Variants in EEIG2 observed in about 807,000 individuals in gnomAD.
The protein encoded by EEIG2 is family with sequence similarity 102 member B.
the EEIG2 span, among the ~76,000 whole-genome samples, chr1:108,603,658 A>T: frequency 6.6e-6 from 1 of 152,228 alleles, no homozygotes; most frequent in African/African-American, 2.4e-5. Flanking sequence ...AAGGAAAAAT[A>T]TGATAAGAAG....
At chr1:108,580,582 A>G in the EEIG2 span, among the ~76,000 whole-genome samples, 1 of 152,228 alleles carries the variant, frequency 6.6e-6, no homozygotes, top group Non-Finnish European at 1.5e-5. Context: ...TCCAATGAAC[A>G]CATGAATGAT....
chr1:108,616,475 A>C, the EEIG2 span: 3 of 1,234,720 alleles, frequency 2.4e-6, no homozygotes, highest in Non-Finnish European at 3.5e-6. Context: ...AAGTATAAGA[A>C]AGATTTATTT....
chr1:108,570,440 G>A, the EEIG2 span, among the ~76,000 whole-genome samples: 2 of 152,082 alleles, frequency 1.3e-5, no homozygotes, highest in Non-Finnish European at 2.9e-5. Context: ...GTTTAGGGTT[G>A]GAATTGAAGA....
chr1:108,587,166 T>C, the EEIG2 span, among the ~76,000 whole-genome samples: 1 of 152,172 alleles, frequency 6.6e-6, no homozygotes, highest in Non-Finnish European at 1.5e-5. Flanking sequence ...TTCTGGGTTT[T>C]GTGAAGTTAT....
the EEIG2 span, among the ~76,000 whole-genome samples, chr1:108,584,694 T>G: frequency 1.3e-5 from 2 of 152,184 alleles, no homozygotes; most frequent in Non-Finnish European, 2.9e-5. Flanking sequence ...TTATCTGCTA[T>G]TTTTACCTTT....
At chr1:108,584,924 T>G in the EEIG2 span, among the ~76,000 whole-genome samples, 5 of 152,136 alleles carry the variant, frequency 3.3e-5, no homozygotes, top group Admixed American at 1.3e-4. Context: ...GAAAAGATTA[T>G]TCATAGTCCT....
At chr1:108,602,256 A>T in the EEIG2 span, among the ~76,000 whole-genome samples, 2 of 152,176 alleles carry the variant, frequency 1.3e-5, no homozygotes, top group Admixed American at 6.5e-5. Flanking sequence ...GCTATAAATA[A>T]ATAGCACACT....
the EEIG2 span, among the ~76,000 whole-genome samples, chr1:108,624,121 C>T: frequency 3.3e-5 from 5 of 152,130 alleles, no homozygotes; most frequent in Non-Finnish European, 7.4e-5. Flanking sequence ...CAAATCTAAA[C>T]AACTGGGCCT....
the EEIG2 span, among the ~76,000 whole-genome samples, chr1:108,576,741 A>C: frequency 2.0e-5 from 3 of 149,884 alleles, no homozygotes; most frequent in African/African-American, 7.4e-5. Flanking sequence ...ATTGTGAATA[A>C]TGCCGCAATA....
At chr1:108,591,196 T>C in the EEIG2 span, among the ~76,000 whole-genome samples, 1 of 152,256 alleles carries the variant, frequency 6.6e-6, no homozygotes, top group Non-Finnish European at 1.5e-5. Flanking sequence ...TCTGAGTTTG[T>C]TTCCATGGTA....
chr1:108,570,396 A>G, the EEIG2 span, among the ~76,000 whole-genome samples: 1 of 152,198 alleles, frequency 6.6e-6, no homozygotes, highest in African/African-American at 2.4e-5. Context: ...TAGGGAGCCA[A>G]AAGCAGGGAG....
At chr1:108,606,370 A>G in the EEIG2 span, 4 of 563,824 alleles carry the variant, frequency 7.1e-6, no homozygotes, top group Non-Finnish European at 5.8e-6. Flanking sequence ...CTCTTTTTGT[A>G]TGCAACTTGG....
At chr1:108,562,684 G>C in the EEIG2 span, among the ~76,000 whole-genome samples, 1 of 152,244 alleles carries the variant, frequency 6.6e-6, no homozygotes, top group South Asian at 2.1e-4. Context: ...TTAGTGAGAT[G>C]ATGTGCCCAA....
the EEIG2 span, among the ~76,000 whole-genome samples, chr1:108,581,904 G>C: frequency 1.1e-4 from 16 of 152,230 alleles, no homozygotes; most frequent in East Asian, 2.7e-3. Flanking sequence ...GTAAAATGCT[G>C]TCAAACATCA....
chr1:108,619,061 A>C, the EEIG2 span, among the ~76,000 whole-genome samples: 1 of 152,214 alleles, frequency 6.6e-6, no homozygotes, highest in Admixed American at 6.5e-5. Flanking sequence ...ACTTAGTAGA[A>C]GAAAATAAAT....
the EEIG2 span, chr1:108,600,666 T>TAG: frequency 6.2e-7 from 1 of 1,610,830 alleles, no homozygotes; most frequent in Non-Finnish European, 8.5e-7. Context: ...TCCTTGTATC[T>TAG]ACAGAGTATC....
At chr1:108,578,677 G>A in the EEIG2 span, among the ~76,000 whole-genome samples, 4 of 151,700 alleles carry the variant, frequency 2.6e-5, no homozygotes, top group African/African-American at 9.7e-5. Context: ...AAATGTTAAG[G>A]GCAGCCAGAG....
At chr1:108,568,926 A>G in the EEIG2 span, among the ~76,000 whole-genome samples, 1 of 152,178 alleles carries the variant, frequency 6.6e-6, no homozygotes, top group African/African-American at 2.4e-5. Flanking sequence ...GGGTGCCTGT[A>G]TGCCTAACGA....
chr1:108,591,419 C>T, the EEIG2 span, among the ~76,000 whole-genome samples: 1 of 152,156 alleles, frequency 6.6e-6, no homozygotes, highest in Admixed American at 6.6e-5. Context: ...TTTGATGTTA[C>T]AAAACGATAA....
Sources: gnomAD v4.1 joint callset for allele counts (sites outside exome capture counted in the v4.1 genomes callset) on GRCh38, gnomAD v4.1.1 for gene constraint, MANE v1.5 for transcripts, NCBI Gene and HGNC (gene_info 2026-07-23, HGNC 2026-07-21) for gene names.